The following POLN variants were observed in gnomAD, a reference collection of about 807,000 sequenced individuals.
POLN encodes the protein DNA polymerase N.
POLN carries 108 observed loss-of-function variants against 113.5 expected under a neutral mutation model. The ratio of observed to expected loss-of-function variants is 0.95; its 90% confidence interval spans 0.81 to 1.12. The LOEUF (loss-of-function observed/expected upper bound fraction) is 1.12, where lower values mean the gene tolerates loss of function less well. Among genes scored for constraint, POLN ranks in the 50% most tolerant of loss-of-function variants. The probability of loss-of-function intolerance (pLI) is 0.00; values close to 1 mark genes in which losing one functional copy is unlikely to be tolerated. For missense variants in POLN, 1,097 were observed against 1,077.1 expected (o/e 1.02, Z -0.26); for synonymous variants, 386 against 391.5 (o/e 0.99, Z 0.17).
chr4:2,224,856 C>T (rs1285649936), intron 3 of POLN, among the ~76,000 whole-genome samples: 1 of 151,848 alleles, frequency 6.6e-6, no homozygotes, highest in Non-Finnish European at 1.5e-5. Context: ...GAGGCTGAGA[C>T]AGGAAAATCA....
intron 16 of POLN, among the ~76,000 whole-genome samples, chr4:2,142,524 G>C (rs982578479): frequency 6.6e-6 from 1 of 152,196 alleles, no homozygotes; most frequent in Non-Finnish European, 1.5e-5. Context: ...TAAGAGACTC[G>C]GAAAGGTGGA....
intron 7 of POLN, among the ~76,000 whole-genome samples, chr4:2,186,482 C>T (rs1438075664): frequency 1.3e-5 from 2 of 152,156 alleles, no homozygotes; most frequent in Admixed American, 6.5e-5. Context: ...AGGGACTTTC[C>T]TCATCAGGGA....
At chr4:2,078,678 G>C in intron 23 of POLN, 4 of 985,420 alleles carry the variant, frequency 4.1e-6, no homozygotes, top group Non-Finnish European at 4.8e-6. Context: ...ACTCCTGGAA[G>C]AACAAATCAC....
chr4:2,076,033 C>A (rs764919054), intron 23 of POLN, among the ~76,000 whole-genome samples: 10 of 152,168 alleles, frequency 6.6e-5, no homozygotes, highest in Non-Finnish European at 1.2e-4. Flanking sequence ...CTCTGGTGAG[C>A]ATCCAGCCAG....
intron 2 of POLN, chr4:2,240,135 CA>C (rs537016492): frequency 8.3e-4 from 1,335 of 1,613,810 alleles, no homozygotes; most frequent in Non-Finnish European, 1.1e-3. Context: ...ATGTTGAGCA[CA>C]AATGTATGCG....
At chr4:2,156,456 T>G (rs1732434209) in intron 16 of POLN, 1 of 493,554 alleles carries the variant, frequency 2.0e-6, no homozygotes. Flanking sequence ...CATCAGATAC[T>G]TCAACACATT....
chr4:2,105,804 G>GTGATGATGATGA (rs147342911), intron 19 of POLN, among the ~76,000 whole-genome samples: 66 of 144,916 alleles, frequency 4.6e-4, no homozygotes, highest in Admixed American at 6.9e-4. Flanking sequence ...CAGACAAATA[G>GTGATGATGATGA]TGATGATGAT....
chr4:2,190,357 C>T (rs1162560583), intron 7 of POLN, among the ~76,000 whole-genome samples: 3 of 152,020 alleles, frequency 2.0e-5, no homozygotes, highest in Non-Finnish European at 4.4e-5. Context: ...ACTCCTATCT[C>T]TCACCATATA....
At chr4:2,207,332 GAGGAA>G (rs200338592) in intron 5 of POLN, among the ~76,000 whole-genome samples, 2,954 of 151,106 alleles carry the variant, frequency 0.02, 106 homozygotes, top group African/African-American at 0.066. Context: ...CAGGAAAGTA[GAGGAA>G]AGGAAAGGAA....
chr4:2,235,525 T>C (rs950451425), intron 2 of POLN, among the ~76,000 whole-genome samples: 4 of 152,238 alleles, frequency 2.6e-5, no homozygotes, highest in Non-Finnish European at 4.4e-5. Flanking sequence ...GAATATCATA[T>C]AATGGAATAC....
intron 5 of POLN, among the ~76,000 whole-genome samples, chr4:2,204,488 C>G (rs1733797097): frequency 6.6e-6 from 1 of 152,186 alleles, no homozygotes; most frequent in Non-Finnish European, 1.5e-5. Flanking sequence ...CAGACAGATT[C>G]ACAGCAGAAT....
chr4:2,111,419 G>A (rs961673272), intron 19 of POLN, among the ~76,000 whole-genome samples: 6 of 152,196 alleles, frequency 3.9e-5, no homozygotes, highest in African/African-American at 1.4e-4. Flanking sequence ...GAAATAAAGG[G>A]CATTCAATTA....
At chr4:2,124,516 T>C (rs1731530495) in intron 19 of POLN, among the ~76,000 whole-genome samples, 1 of 152,176 alleles carries the variant, frequency 6.6e-6, no homozygotes. Flanking sequence ...TGGCCTCAAG[T>C]GATCCTCTCC....
chr4:2,199,758 T>C (rs1733665834), intron 5 of POLN, among the ~76,000 whole-genome samples: 1 of 142,676 alleles, frequency 7.0e-6, no homozygotes, highest in Non-Finnish European at 1.5e-5. Flanking sequence ...TTTTGTATTT[T>C]AGTAGAGACG....
chr4:2,197,796 A>G (rs1324207253), intron 6 of POLN, among the ~76,000 whole-genome samples: 1 of 152,216 alleles, frequency 6.6e-6, no homozygotes, highest in East Asian at 1.9e-4. Flanking sequence ...ACAGGCTAGT[A>G]ACGGGGCCCA....
intron 19 of POLN, among the ~76,000 whole-genome samples, chr4:2,110,961 C>G (rs1731178507): frequency 6.6e-6 from 1 of 152,234 alleles, no homozygotes; most frequent in Admixed American, 6.5e-5. Context: ...AGACCAATAT[C>G]CTTGATGAAC....
chr4:2,171,370 T>C (rs1469657682), intron 11 of POLN, among the ~76,000 whole-genome samples, 189 bp from the exon 12 acceptor site: 4 of 123,594 alleles, frequency 3.2e-5, no homozygotes, highest in African/African-American at 1.3e-4. Context: ...CTGGGCAACA[T>C]AGTGCGACCC....
chr4:2,169,366 A>G (rs1003499076), intron 13 of POLN, among the ~76,000 whole-genome samples: 4 of 152,200 alleles, frequency 2.6e-5, no homozygotes, highest in African/African-American at 7.2e-5. Flanking sequence ...AGAAAGGTCT[A>G]TGGTAGAGAC....
intron 20 of POLN, among the ~76,000 whole-genome samples, chr4:2,095,255 G>A (rs754527774): frequency 6.6e-6 from 1 of 151,964 alleles, no homozygotes; most frequent in Non-Finnish European, 1.5e-5. Flanking sequence ...GGGAGGGAGA[G>A]GCTTGCAGAA....
Sources: gnomAD v4.1 joint callset for allele counts (sites outside exome capture counted in the v4.1 genomes callset) on GRCh38, gnomAD v4.1.1 for gene constraint, MANE v1.5 for transcripts, NCBI Gene and HGNC (gene_info 2026-07-23, HGNC 2026-07-21) for gene names.